The following HERC1 variants were observed in gnomAD, a reference collection of about 807,000 sequenced individuals.
HERC1 encodes the protein probable E3 ubiquitin-protein ligase HERC1.
In HERC1, 160 loss-of-function variants were observed where a neutral mutation model predicts 554.3. The ratio of observed to expected loss-of-function variants is 0.29; its 90% CI spans 0.25 to 0.33. The LOEUF (loss-of-function observed/expected upper bound fraction) is 0.33, where lower values mean the gene tolerates loss of function less well. Among genes scored for constraint, HERC1 ranks in the 10% least tolerant of loss-of-function variants. The pLI, the probability that HERC1 is intolerant of heterozygous loss-of-function variation, is 1.00. For synonymous variants in HERC1, 2,175 were observed against 2,131.7 expected (o/e 1.02, Z -0.56); for missense variants, 4,919 against 5,918.5 (o/e 0.83, Z 5.54).
chr15:63,755,846 C>A (rs1288812363), intron 5 of HERC1, among the ~76,000 whole-genome samples: 2 of 151,986 alleles, frequency 1.3e-5, no homozygotes, highest in Non-Finnish European at 2.9e-5. Flanking sequence ...AAGATATGAG[C>A]TCAGTTTCTT....
chr15:63,694,909 A>G lies in HERC1; in HGVS notation c.5122-15T>C, dbSNP rs374374721. 23 of 1,601,716 alleles carry G rather than the reference A, an allele frequency of 1.4e-5. No homozygotes were observed. Among genetic ancestry groups the G allele is most frequent in the Non-Finnish European group, 1.7e-5 (20 of 1,175,068 alleles). On this transcript the variant is annotated splice_polypyrimidine_tract_variant and intron_variant, in intron 27 of 77. Transcript: ENST00000443617. This position sits in a 1 kb window ranked among gnomAD's most constrained non-coding sequence, Gnocchi z 4.3. ...CTGATCCCATCCTGAATTACACATA[A>G]AGAATTACTTTTTCTATTAGCAACA... is the stretch of plus-strand genomic sequence containing the variant.
intron 1 of HERC1, among the ~76,000 whole-genome samples, chr15:63,789,192 G>A (rs2076553537): frequency 1.6e-5 from 2 of 128,594 alleles, no homozygotes; most frequent in Non-Finnish European, 3.2e-5. Context: ...CCGGGTTCAC[G>A]CCATTCTCCT....
At chr15:63,656,047 A>C in intron 49 of HERC1, 41 bp downstream of exon 49, 1 of 1,604,312 alleles carries the variant, frequency 6.2e-7, no homozygotes, top group East Asian at 2.2e-5. Flanking sequence ...ATCAGTCAGA[A>C]ATAATCAATG....
intron 45 of HERC1, 52 bp from the exon 46 acceptor site, chr15:63,661,077 C>A: frequency 7.7e-7 from 1 of 1,290,894 alleles, no homozygotes; most frequent in Non-Finnish European, 1.1e-6. Flanking sequence ...GTTAGTACCC[C>A]AAGATGCAAA....
chr15:63,739,259 G>A (rs1033916307), intron 12 of HERC1, among the ~76,000 whole-genome samples: 3 of 146,246 alleles, frequency 2.1e-5, no homozygotes, highest in East Asian at 2.0e-4. Flanking sequence ...GTGCAGTGGC[G>A]TGATCTCAGC....
intron 60 of HERC1, among the ~76,000 whole-genome samples, chr15:63,641,166 A>G (rs972439682): frequency 5.9e-5 from 9 of 152,242 alleles, no homozygotes; most frequent in African/African-American, 2.2e-4. Context: ...TGTGGGTCAG[A>G]AAAGGGAAGA....
At chr15:63,699,136 T>C in intron 25 of HERC1, 140 bp from the exon 26 acceptor site, 1 of 695,226 alleles carries the variant, frequency 1.4e-6, no homozygotes, top group Admixed American at 2.5e-5. Context: ...ATGCATTAAG[T>C]GAATCTGAGC....
chr15:63,612,372 G>A lies in HERC1; in HGVS notation c.14279C>T (p.Thr4760Met), dbSNP rs1353214526. The A allele has an allele frequency of 8.7e-6, 14 of 1,613,852 alleles. No homozygotes were observed. Among genetic ancestry groups the A allele is most frequent in the East Asian group, 4.5e-5 (2 of 44,896 alleles). The stretch of plus-strand genomic sequence containing the variant: ...CTCCTCATTGGAGAACTCTTCCAGC[G>A]TGTGCCAGAACCACTGCACCAGCTG... ...QHQLVQWFWH[T>M]LEEFSNEERV... Residue 4760 changes from threonine to methionine, a missense_variant, in exon 77 of 78, where the codon ACG (threonine) becomes ATG (methionine). Physicochemically the swap from Thr to Met is moderately conservative, Grantham distance 81. Transcript: ENST00000443617. The surrounding 1 kb of genome is among the most constrained non-coding windows in gnomAD (Gnocchi z 5.0).
intron 17 of HERC1, among the ~76,000 whole-genome samples, chr15:63,726,661 T>C (rs936688943): frequency 7.9e-5 from 12 of 152,112 alleles, no homozygotes; most frequent in African/African-American, 2.7e-4. Flanking sequence ...TGGAAGGGAA[T>C]ACTAATCACT....
At position 63,656,470 on chromosome 15, in the gene HERC1, T is replaced by G; in HGVS notation, c.9600-112A>C. ...TCAACAACCATAATAAAATGTAAGCTGCACTATCATTAGCCATACATGTCC... is the reference window on the plus strand; with the variant it reads ...TCAACAACCATAATAAAATGTAAGCGGCACTATCATTAGCCATACATGTCC... On this transcript the variant is annotated intron_variant, in intron 48 of 77. Coordinates refer to ENST00000443617, the MANE Select transcript of HERC1 (RefSeq NM_003922.4). 6 of 945,232 alleles carry G rather than the reference T, an allele frequency of 6.3e-6. No individual in the cohort carries two copies. The South Asian group carries it at 8.2e-5, about 13-fold the overall frequency. 58.6% of individuals were successfully genotyped at this position (945,232 alleles called of 1,614,324 possible). A position where few individuals can be genotyped will look rare whatever the true frequency, so the allele number is the denominator to read the frequency against.
chr15:63,742,469 T>A (rs956226573), intron 12 of HERC1, among the ~76,000 whole-genome samples: 1 of 152,200 alleles, frequency 6.6e-6, no homozygotes, highest in East Asian at 1.9e-4. Flanking sequence ...TCAATCTACA[T>A]GAGTTTTATT....
chr15:63,748,691 T>C (rs1385636439), intron 10 of HERC1, among the ~76,000 whole-genome samples: 2 of 152,180 alleles, frequency 1.3e-5, no homozygotes, highest in African/African-American at 2.4e-5. Flanking sequence ...GAATAACTAT[T>C]GATAAATATT....
intron 12 of HERC1, among the ~76,000 whole-genome samples, chr15:63,738,994 C>A (rs373585182): frequency 7.1e-6 from 1 of 140,664 alleles, no homozygotes; most frequent in South Asian, 2.2e-4. Flanking sequence ...TTTTTTTTTT[C>A]AAATTGACAT....
intron 25 of HERC1, 44 bp downstream of exon 25, chr15:63,706,736 G>C (rs1487592604): frequency 3.0e-6 from 3 of 1,016,266 alleles, no homozygotes; most frequent in Non-Finnish European, 1.4e-6. Context: ...TTTGAGACAG[G>C]GTCTCACTAA....
intron 53 of HERC1, among the ~76,000 whole-genome samples, chr15:63,650,173 C>T (rs748455663): frequency 5.9e-5 from 9 of 151,910 alleles, no homozygotes; most frequent in Admixed American, 2.0e-4. Context: ...GAGGCCAAGA[C>T]GGGCGGATCA....
chr15:63,721,518 T>C (rs2073820919), intron 19 of HERC1, among the ~76,000 whole-genome samples: 5 of 151,968 alleles, frequency 3.3e-5, no homozygotes, highest in Admixed American at 3.3e-4. Flanking sequence ...AAGAGGAGAC[T>C]CTGTCTCAAA....
At chr15:63,624,724 A>C (rs2068226951) in intron 71 of HERC1, among the ~76,000 whole-genome samples, 1 of 152,206 alleles carries the variant, frequency 6.6e-6, no homozygotes, top group Non-Finnish European at 1.5e-5. Flanking sequence ...AAAAAAGAAC[A>C]TACATTATTT....
chr15:63,625,875 A>C (rs887003980), intron 71 of HERC1, 110 bp downstream of exon 71: 3 of 1,114,684 alleles, frequency 2.7e-6, no homozygotes, highest in Non-Finnish European at 2.7e-6. Flanking sequence ...ATTAGCCATG[A>C]AAGAATTTTC....
chr15:63,832,251 T>G (rs776110342), intron 1 of HERC1, among the ~76,000 whole-genome samples: 8 of 152,156 alleles, frequency 5.3e-5, no homozygotes, highest in Non-Finnish European at 1.0e-4. Flanking sequence ...GATATATAAA[T>G]GTGTATAGGT....
Sources: allele counts gnomAD v4.1 joint callset (sites outside exome capture counted in the v4.1 genomes callset), GRCh38; gene constraint gnomAD v4.1.1; non-coding constraint Gnocchi (gnomAD v3.1); transcripts MANE v1.5; gene names NCBI Gene and HGNC (gene_info 2026-07-23, HGNC 2026-07-21).